Variants in SLC23A2 observed in about 807,000 individuals in gnomAD.
SLC23A2 encodes Na(+)/L-ascorbic acid transporter 2.
A neutral mutation model predicts 73.3 loss-of-function variants in SLC23A2; 36 were observed. The observed-to-expected ratio is 0.49, with a 90% CI of 0.38 to 0.65. The LOEUF is 0.65. Among genes scored for constraint, SLC23A2 ranks in the 30% least tolerant of loss-of-function variants. The pLI is 0.00. For synonymous variants in SLC23A2, 343 were observed against 327.3 expected (o/e 1.05, Z -0.52); for missense variants, 507 against 841.6 (o/e 0.60, Z 4.92).
intron 2 of SLC23A2, among the ~76,000 whole-genome samples, chr20:4,946,557 T>C (rs1568636732): frequency 6.6e-6 from 1 of 152,170 alleles, no homozygotes; most frequent in Non-Finnish European, 1.5e-5. Context: ...AAACAAGATG[T>C]TGAAGAATGG....
intron 3 of SLC23A2, among the ~76,000 whole-genome samples, chr20:4,916,923 A>G (rs1007343500): frequency 6.6e-6 from 1 of 152,212 alleles, no homozygotes; most frequent in African/African-American, 2.4e-5. Context: ...ATGAATTGCC[A>G]GTAGGTTAGG....
chr20:4,857,240 T>C lies in SLC23A2; in HGVS notation c.1721-36A>G. On this transcript the variant is annotated intron_variant, in intron 16 of 16. Coordinates refer to ENST00000338244, the MANE Select transcript of SLC23A2 (RefSeq NM_005116.6). The surrounding 1 kb of genome is among the most constrained non-coding windows in gnomAD (Gnocchi z 4.0). Reference sequence around the variant, plus strand: ...TCCCAAGATAGAACAAAGGAATGCTTCGTTTAGCAGCTCTACTGAAAATGA... The same window carrying C: ...TCCCAAGATAGAACAAAGGAATGCTCCGTTTAGCAGCTCTACTGAAAATGA... 1 of 1,245,762 alleles carries C rather than the reference T, an allele frequency of 8.0e-7. No homozygotes were observed. Among genetic ancestry groups the C allele is most frequent in the African/African-American group, 1.5e-5 (1 of 66,898 alleles). The allele number at this position is 1,245,762 out of a possible 1,614,324, so 77.2% of individuals were successfully genotyped here. A position where few individuals can be genotyped will look rare whatever the true frequency, so the allele number is the denominator to read the frequency against.
At position 4,964,978 on chromosome 20, in the gene SLC23A2, T is replaced by G. The variant is rs769657611; in HGVS notation, c.-155+5815A>C. ...CTCCAGATGATGGGATTATATGTGGTTTTTTTTCCCCTTATTTTTCTACAG... is the reference window on the plus strand; with the variant it reads ...CTCCAGATGATGGGATTATATGTGGGTTTTTTTCCCCTTATTTTTCTACAG... On this transcript the variant is annotated intron_variant, in intron 2 of 16. Coordinates refer to ENST00000338244, the MANE Select transcript of SLC23A2 (RefSeq NM_005116.6). 2.5e-3 allele frequency among the ~76,000 whole-genome samples: 370 copies of G among 148,320 alleles called. 2 individuals are homozygous for G. Among genetic ancestry groups the G allele is most frequent in the Admixed American group, 8.1e-3 (123 of 15,132 alleles).
At chr20:4,987,771 T>C (rs979005401) in intron 1 of SLC23A2, among the ~76,000 whole-genome samples, 13 of 150,792 alleles carry the variant, frequency 8.6e-5, no homozygotes, top group South Asian at 8.4e-4. Context: ...TGGCGTGAAC[T>C]CTGGAGGCGG....
Position 4,982,297 on chromosome 20 carries a change from G to A in SLC23A2, c.-281-11378C>T, listed in dbSNP as rs1056934202. Among the ~76,000 whole-genome samples, 21 of 152,034 alleles carry A rather than the reference G, an allele frequency of 1.4e-4. 1 individual carries two copies. The highest frequency in any genetic ancestry group is 5.1e-4 in the African/African-American group (21 of 41,410). On this transcript the variant is annotated intron_variant, in intron 1 of 16. Coordinates refer to ENST00000338244, the MANE Select transcript of SLC23A2 (RefSeq NM_005116.6). ...CGTGAGCCACCGTGCCCGGACGATG[G>A]CAATTTCTTAATTTGAAAAAATGGA...
intron 15 of SLC23A2, among the ~76,000 whole-genome samples, chr20:4,860,458 C>T (rs1307409765): frequency 1.3e-5 from 2 of 152,196 alleles, no homozygotes; most frequent in Non-Finnish European, 1.5e-5. Context: ...GTGTGAAGTG[C>T]TCCCTGACGT....
chr20:4,898,606 G>A (rs1025179966), intron 6 of SLC23A2, among the ~76,000 whole-genome samples: 10 of 152,202 alleles, frequency 6.6e-5, no homozygotes, highest in Admixed American at 5.2e-4. Flanking sequence ...AAAGCAAGAG[G>A]CTGCACTGCG....
intron 6 of SLC23A2, among the ~76,000 whole-genome samples, chr20:4,890,169 T>C (rs1931276562): frequency 6.6e-6 from 1 of 152,206 alleles, no homozygotes; most frequent in African/African-American, 2.4e-5. Context: ...TGTGCCTGGC[T>C]TCCTTCATCT....
chr20:4,994,869 G>A (rs1007782550), intron 1 of SLC23A2, among the ~76,000 whole-genome samples: 2 of 152,114 alleles, frequency 1.3e-5, no homozygotes, highest in Non-Finnish European at 2.9e-5. Context: ...AGGAGGTGGA[G>A]GTTGCAGTGA....
chr20:4,867,646 AAAG>A (rs1930258397), intron 13 of SLC23A2, 121 bp downstream of exon 13: 4 of 501,942 alleles, frequency 8.0e-6, no homozygotes, highest in South Asian at 2.8e-5. Context: ...AAAAAAAAAA[AAAG>A]GAGAGAAGTA....
intron 1 of SLC23A2, among the ~76,000 whole-genome samples, chr20:4,984,474 A>G (rs1021014431): frequency 6.6e-6 from 1 of 151,070 alleles, no homozygotes; most frequent in East Asian, 2.0e-4. Flanking sequence ...AATGGCATGA[A>G]CCTGGCAGGC....
intron 2 of SLC23A2, among the ~76,000 whole-genome samples, chr20:4,968,340 C>A (rs2087507953): frequency 6.6e-6 from 1 of 152,170 alleles, no homozygotes. Flanking sequence ...AACAGCCTAA[C>A]CCCAGCACCT....
At chr20:4,969,897 T>G (rs562545525) in intron 2 of SLC23A2, among the ~76,000 whole-genome samples, 2 of 152,138 alleles carry the variant, frequency 1.3e-5, no homozygotes, top group African/African-American at 2.4e-5. Flanking sequence ...AAGAAGAAAT[T>G]TGATTGCAGT....
In SLC23A2 at chr20:4,856,080, T is replaced by C. The variant is rs1314732319; in HGVS notation, c.*892A>G. The C allele has an allele frequency of 6.6e-6, 1 of 152,464 alleles. No individual in the cohort carries two copies. Among genetic ancestry groups the C allele is most frequent in the African/African-American group, 2.4e-5 (1 of 41,442 alleles). 9.4% of individuals were successfully genotyped at this position (152,464 alleles called of 1,614,324 possible). On this transcript the variant is annotated 3_prime_UTR_variant, in exon 17 of 17. Coordinates refer to ENST00000338244, the MANE Select transcript of SLC23A2 (RefSeq NM_005116.6). The surrounding 1 kb of genome is among the most constrained non-coding windows in gnomAD (Gnocchi z 4.6). The stretch of plus-strand genomic sequence containing the variant: ...AATAACATTAAATAGGAATAAAACC[T>C]TGTAATTATAGACGCGCGCGACAAT...
intron 2 of SLC23A2, among the ~76,000 whole-genome samples, chr20:4,952,170 T>A (rs1007492171): frequency 1.4e-5 from 2 of 148,116 alleles, no homozygotes; most frequent in African/African-American, 5.0e-5. Flanking sequence ...ATAAAAGATG[T>A]AGACTAAAAA....
intron 2 of SLC23A2, among the ~76,000 whole-genome samples, 198 bp downstream of exon 2, chr20:4,970,595 G>A (rs1461152287): frequency 1.2e-4 from 18 of 152,118 alleles, no homozygotes; most frequent in Non-Finnish European, 2.4e-4. Context: ...AAATTAGCCA[G>A]GCACCATGGC....
At chr20:4,918,495 T>G (rs35521555) in intron 3 of SLC23A2, among the ~76,000 whole-genome samples, 1 of 152,340 alleles carries the variant, frequency 6.6e-6, no homozygotes, top group African/African-American at 2.4e-5. Flanking sequence ...CTTGTCTTTT[T>G]GCTTGTGTTT....
chr20:4,877,291 T>A (rs1159714267), intron 9 of SLC23A2, among the ~76,000 whole-genome samples: 13 of 152,194 alleles, frequency 8.5e-5, no homozygotes, highest in Non-Finnish European at 1.9e-4. Context: ...CGTTGAGGTA[T>A]ATATTTCAGC....
rs201605928 is a variant in SLC23A2, at chr20:4,862,862, C to T, written c.1402G>A (p.Ala468Thr). The change falls in exon 14 of 17, where the codon GCT becomes ACT. Residue 468 changes from alanine to threonine, a missense_variant. Ala to Thr is a moderately conservative substitution (Grantham distance 58). This residue lies in a region of SLC23A2 where 168 missense variants were observed against 302.3 expected (regional missense o/e 0.56). Coordinates refer to ENST00000338244, the MANE Select transcript of SLC23A2 (RefSeq NM_005116.6). This position sits in a 1 kb window ranked among gnomAD's most constrained non-coding sequence, Gnocchi z 5.1. ...VIQCGAALML[A>T]LGMIGKFSAL... is the part of the protein sequence containing the mutation. ...CTGAACTTCCCGATCATGCCCAGAG[C>T]GAGCATGAGGGCTGCTCCGCACTGT... The T allele has an allele frequency of 3.5e-4, 563 of 1,613,588 alleles. 3 individuals are homozygous for T. Among genetic ancestry groups the T allele is most frequent in the Middle Eastern group, 1.8e-3 (11 of 6,062 alleles).
Sources: allele counts gnomAD v4.1 joint callset (sites outside exome capture counted in the v4.1 genomes callset), GRCh38; gene constraint gnomAD v4.1.1; regional missense constraint gnomAD v4.1.1; non-coding constraint Gnocchi (gnomAD v3.1); transcripts MANE v1.5; gene names NCBI Gene and HGNC (gene_info 2026-07-23, HGNC 2026-07-21).